PREX1: variants seen among roughly 807,000 people sequenced by gnomAD.
PREX1 encodes phosphatidylinositol 3,4,5-trisphosphate-dependent Rac exchanger 1 protein.
A neutral mutation model predicts 198.3 loss-of-function variants in PREX1; 41 were observed. The observed-to-expected ratio is 0.21, with a 90% CI of 0.16 to 0.27. PREX1 has a LOEUF of 0.27. Among genes scored for constraint, PREX1 ranks in the 10% least tolerant of loss-of-function variants. The pLI, the probability that PREX1 is intolerant of heterozygous loss-of-function variation, is 1.00. For missense variants in PREX1, 1,620 were observed against 2,200.7 expected (o/e 0.74, Z 5.28); for synonymous variants, 843 against 887.2 (o/e 0.95, Z 0.89).
chr20:48,655,508 C>A (rs2089536076), intron 18 of PREX1, 133 bp from the exon 19 acceptor site: 4 of 690,604 alleles, frequency 5.8e-6, no homozygotes, highest in Admixed American at 7.7e-5. Context: ...AGTAGTAGCA[C>A]CACCAGGCTT....
At chr20:48,784,782 T>C (rs938106094) in intron 1 of PREX1, among the ~76,000 whole-genome samples, 7 of 152,196 alleles carry the variant, frequency 4.6e-5, no homozygotes, top group African/African-American at 1.7e-4. Context: ...CAGCAGCTCC[T>C]TCCCACTCCA....
chr20:48,776,578 G>A (rs926113640), intron 1 of PREX1, among the ~76,000 whole-genome samples: 15 of 152,170 alleles, frequency 9.9e-5, no homozygotes, highest in South Asian at 2.1e-4. Context: ...ACAGGCCCTC[G>A]GAAAACCCAG....
At chr20:48,716,231 G>A (rs989397762) in intron 5 of PREX1, among the ~76,000 whole-genome samples, 6 of 152,294 alleles carry the variant, frequency 3.9e-5, no homozygotes, top group East Asian at 3.9e-4. Flanking sequence ...GGCCCCAAGC[G>A]AAGGCTTCCT....
chr20:48,765,734 T>C (rs964545630), intron 1 of PREX1, among the ~76,000 whole-genome samples: 12 of 152,292 alleles, frequency 7.9e-5, no homozygotes, highest in Admixed American at 7.2e-4. Context: ...GAGAATTTAA[T>C]TAGGGGAAGG....
chr20:48,700,685 G>GACA, intron 7 of PREX1, 68 bp downstream of exon 7: 1 of 1,576,232 alleles, frequency 6.3e-7, no homozygotes, highest in African/African-American at 1.3e-5. Flanking sequence ...AGAGGGAAGT[G>GACA]ACAAGCCCAA....
chr20:48,733,725 T>TTGTTGTTGTTGTTGTTGTTGTTA (rs1294732755), intron 4 of PREX1, among the ~76,000 whole-genome samples: 2 of 3,828 alleles, frequency 5.2e-4, no homozygotes, highest in Non-Finnish European at 1.4e-3. Context: ...TGTTGTTGTT[T>TTGTTGTTGTTGTTGTTGTTGTTA]TGCTTCTGCC....
At position 48,691,756 on chromosome 20, in the gene PREX1, G is replaced by A. The variant is rs542688013; in HGVS notation, c.1037-660C>T. On this transcript the variant is annotated intron_variant, in intron 8 of 39. Transcript: ENST00000371941. The surrounding 1 kb of genome is among the most constrained non-coding windows in gnomAD (Gnocchi z 5.0). The stretch of plus-strand genomic sequence containing the variant: ...CCATCACCCAAAGAATGGATGAAGT[G>A]TGAAATGTTCACGTGACGGAACACT... 4.6e-5 allele frequency among the ~76,000 whole-genome samples: 7 copies of A among 152,346 alleles called. No homozygotes were observed. The East Asian group carries it at 1.2e-3, about 25-fold the overall frequency.
chr20:48,639,729 C>T, intron 30 of PREX1, 37 bp downstream of exon 30: 1 of 1,608,666 alleles, frequency 6.2e-7, no homozygotes, highest in Non-Finnish European at 8.5e-7. Context: ...AGCCATGGCC[C>T]CCTCCCCACC....
At chr20:48,841,320 C>T in the PREX1 span, among the ~76,000 whole-genome samples, 1 of 152,332 alleles carries the variant, frequency 6.6e-6, no homozygotes, top group South Asian at 2.1e-4. Flanking sequence ...CATACAGTAT[C>T]TTCTCAGCTT....
intron 10 of PREX1, among the ~76,000 whole-genome samples, chr20:48,682,653 A>T (rs1252949545): frequency 6.6e-6 from 1 of 152,224 alleles, no homozygotes; most frequent in Non-Finnish European, 1.5e-5. Flanking sequence ...GAAGACAGGC[A>T]GCTTTCCCAG....
chr20:48,868,200 G>C, the PREX1 span, among the ~76,000 whole-genome samples: 2 of 152,224 alleles, frequency 1.3e-5, no homozygotes, highest in Non-Finnish European at 2.9e-5. Flanking sequence ...GGAGACAAGA[G>C]GGAGTGGTGG....
intron 4 of PREX1, among the ~76,000 whole-genome samples, chr20:48,729,911 G>A (rs973531391): frequency 1.3e-5 from 2 of 152,124 alleles, no homozygotes; most frequent in East Asian, 1.9e-4. Context: ...ATTAGAGGGG[G>A]GACCCTAAAT....
At chr20:48,885,807 C>G in the PREX1 span, among the ~76,000 whole-genome samples, 1 of 152,076 alleles carries the variant, frequency 6.6e-6, no homozygotes, top group African/African-American at 2.4e-5. Flanking sequence ...GTCTTTCAGT[C>G]TGAAAGGCTA....
rs746471741 is a variant in PREX1, at chr20:48,627,873, G to A, written c.4857C>T (p.Ile1619=). 5.0e-6 allele frequency: 8 copies of A among 1,612,818 alleles called. No individual in the cohort carries two copies. The highest frequency in any genetic ancestry group is 5.1e-6 in the Non-Finnish European group (6 of 1,179,888). ...LPKCIMQATD[I]MRKQGPRVEI... ...CAAGCGGCCTCACCTGCTTCCGCAT[G>A]ATGTCCGTGGCCTGCATGATGCACT... The change falls in exon 38 of 40, where the codon ATC becomes ATT. Residue 1619 remains isoleucine (I), a synonymous_variant. Transcript: ENST00000371941.
At chr20:48,654,552 A>C (rs2089527989) in intron 19 of PREX1, among the ~76,000 whole-genome samples, 1 of 152,234 alleles carries the variant, frequency 6.6e-6, no homozygotes, top group African/African-American at 2.4e-5. Context: ...GGCAGGGCCG[A>C]TGTCCTCTGG....
At chr20:48,881,710 C>A in the PREX1 span, among the ~76,000 whole-genome samples, 1 of 152,128 alleles carries the variant, frequency 6.6e-6, no homozygotes, top group Non-Finnish European at 1.5e-5. Flanking sequence ...TGGTCTCAAA[C>A]GCCTGACTTT....
chr20:48,849,859 G>C, the PREX1 span, among the ~76,000 whole-genome samples: 1 of 152,118 alleles, frequency 6.6e-6, no homozygotes, highest in Non-Finnish European at 1.5e-5. Flanking sequence ...TTATAATTTG[G>C]CAAGTGAGGG....
At chr20:48,822,319 G>A (rs530950746) in intron 1 of PREX1, among the ~76,000 whole-genome samples, 1 of 152,344 alleles carries the variant, frequency 6.6e-6, no homozygotes, top group South Asian at 2.1e-4. Flanking sequence ...CATGAACACA[G>A]CCTCATTTTG....
At chr20:48,768,872 G>T (rs2090221468) in intron 1 of PREX1, among the ~76,000 whole-genome samples, 1 of 152,114 alleles carries the variant, frequency 6.6e-6, no homozygotes, top group African/African-American at 2.4e-5. Flanking sequence ...ATCTTCACCT[G>T]GTGGTGATGC....
Sources: gnomAD v4.1 joint callset for allele counts (sites outside exome capture counted in the v4.1 genomes callset) on GRCh38, gnomAD v4.1.1 for gene constraint, Gnocchi (gnomAD v3.1) non-coding constraint, MANE v1.5 for transcripts, NCBI Gene and HGNC (gene_info 2026-07-23, HGNC 2026-07-21) for gene names.